The following EMILIN2 variants were observed in gnomAD, a reference collection of about 807,000 sequenced individuals.
EMILIN2 encodes elastin microfibril interfacer 2, also known as EMILIN-2.
Under a neutral mutation model 87.1 loss-of-function variants are expected in EMILIN2, and 71 were observed. The observed-to-expected ratio is 0.82, with a 90% CI of 0.67 to 0.99. The LOEUF (loss-of-function observed/expected upper bound fraction) is 0.99, where lower values mean the gene tolerates loss of function less well. Ranked by LOEUF, EMILIN2 falls within the 50% of genes least tolerant of loss-of-function variation. The pLI is 0.00. For synonymous variants in EMILIN2, 581 were observed against 563.4 expected, an observed-to-expected ratio of 1.03 and a Z score of -0.44; for missense variants, 1,407 against 1,371.8, an observed-to-expected ratio of 1.03 and a Z score of -0.40.
rs2076966394 is a variant in EMILIN2 at position 2,915,875 on chromosome 18, C to T, written c.*2471C>T. On this transcript the variant is annotated 3_prime_UTR_variant, in exon 8 of 8. Coordinates refer to ENST00000254528, the MANE Select transcript of EMILIN2 (RefSeq NM_032048.3). ...TTGCTGAGAAAAGGTCAGGACACTT[C>T]TTAAGTAGAGAAGGACTGTGACATC... 1 of 152,196 alleles carries T rather than the reference C, an allele frequency of 6.6e-6. No homozygotes were observed. Among genetic ancestry groups the T allele is most frequent in the African/African-American group, 2.4e-5 (1 of 41,440 alleles). 9.4% of individuals were successfully genotyped at this position (152,196 alleles called of 1,614,324 possible). A position where few individuals can be genotyped will look rare whatever the true frequency, so the allele number is the denominator to read the frequency against.
Position 2,914,075 on chromosome 18 carries a change from TA to T in EMILIN2, c.*673del, listed in dbSNP as rs11342330. On this transcript the variant is annotated 3_prime_UTR_variant, in exon 8 of 8. Transcript: ENST00000254528. ...ATAAAGATGGAAAGCCATTTCCAGT[TA>T]ACTTTTGTTAATTTAAGTGTGGTCC... 32,625 of 152,668 alleles carry T rather than the reference TA, an allele frequency of 0.21. 3,803 individuals carry two copies. The highest frequency in any genetic ancestry group is 0.42 in the East Asian group (2,171 of 5,182). The allele number at this position is 152,668 out of a possible 1,614,324, so 9.5% of individuals were successfully genotyped here.
chr18:2,860,827 T>G (rs1252450013), intron 2 of EMILIN2, among the ~76,000 whole-genome samples: 1 of 152,218 alleles, frequency 6.6e-6, no homozygotes, highest in Non-Finnish European at 1.5e-5. Flanking sequence ...ACTTCCACAA[T>G]GGTTGAACTA....
intron 4 of EMILIN2, among the ~76,000 whole-genome samples, chr18:2,899,554 G>A (rs1420729557): frequency 6.6e-6 from 1 of 151,790 alleles, no homozygotes; most frequent in Non-Finnish European, 1.5e-5. Flanking sequence ...ACCCAGGCTG[G>A]AGTGCAGTGG....
chr18:2,852,946 C>T (rs913121905), intron 2 of EMILIN2, among the ~76,000 whole-genome samples: 6 of 152,160 alleles, frequency 3.9e-5, no homozygotes, highest in East Asian at 1.9e-4. Flanking sequence ...CTGGATCCTC[C>T]GGGCACAGGA....
At chr18:2,883,227 G>GATGTCAAAGGTCCAGCAC (rs1568469039) in intron 2 of EMILIN2, among the ~76,000 whole-genome samples, 1 of 151,430 alleles carries the variant, frequency 6.6e-6, no homozygotes, top group East Asian at 2.0e-4. Flanking sequence ...CCTCGGGGAG[G>GATGTCAAAGGTCCAGCAC]ATGTCAAAGG....
rs201997785 is a variant in EMILIN2 at position 2,890,735 on chromosome 18, C to T, written c.608C>T (p.Ser203Phe). 2.3e-5 allele frequency: 37 copies of T among 1,614,112 alleles called. No homozygotes were observed. Among genetic ancestry groups the T allele is most frequent in the Non-Finnish European group, 3.0e-5 (35 of 1,179,998 alleles). ...RLTRTVLDLQ[S>F]SLAGVSENLK... ...ACAAGGACGGTTCTTGACCTCCAGT[C>T]TTCCCTTGCTGGAGTGAGTGAAAAT... Residue 203 changes from serine (S) to phenylalanine (F), a missense_variant, in exon 4 of 8, where the codon TCT becomes TTT. Transcript: ENST00000254528. The surrounding 1 kb of genome is among the most constrained non-coding windows in gnomAD (Gnocchi z 4.7).
chr18:2,891,398 G>C lies in EMILIN2; in HGVS notation c.1271G>C (p.Arg424Thr). The change falls in exon 4 of 8, where the codon AGA (arginine) becomes ACA (threonine). Residue 424 changes from arginine to threonine, a missense_variant. Transcript: ENST00000254528. The surrounding 1 kb of genome is among the most constrained non-coding windows in gnomAD (Gnocchi z 4.6). The part of the protein sequence containing the change: ...QKIERVAEAT[R>T]MLNGRLDNEF... Reference sequence around the variant, plus strand: ...ATCGAGAGAGTTGCTGAAGCCACCAGAATGCTGAATGGAAGACTGGACAAT... The same window carrying C: ...ATCGAGAGAGTTGCTGAAGCCACCACAATGCTGAATGGAAGACTGGACAAT... 1 of 1,614,202 alleles carries C rather than the reference G, an allele frequency of 6.2e-7. No homozygotes were observed. Among genetic ancestry groups the C allele is most frequent in the Non-Finnish European group, 8.5e-7 (1 of 1,180,030 alleles).
Position 2,869,768 on chromosome 18 carries a change from CTGTGTGTGTGTGTGTGTTTGTG to C in EMILIN2, c.258-15178_258-15157del, listed in dbSNP as rs1177418067. ...ACTTTTTGTTGTTGGATAGATTCCT[CTGTGTGTGTGTGTGTGTTTGTG>C]TGTGTGTGTGTGTGTGTGTGTGTAC... On this transcript the variant is annotated intron_variant, in intron 2 of 7. Transcript: ENST00000254528. 1.4e-3 allele frequency among the ~76,000 whole-genome samples: 202 copies of C among 143,982 alleles called. 2 individuals carry two copies. Among genetic ancestry groups the C allele is most frequent in the Middle Eastern group, 6.9e-3 (2 of 288 alleles). The allele number at this position is 143,982 out of a possible 152,430, so 94.5% of individuals were successfully genotyped here. A position where few individuals can be genotyped will look rare whatever the true frequency, so the allele number is the denominator to read the frequency against.
chr18:2,878,635 C>T (rs553933936), intron 2 of EMILIN2, among the ~76,000 whole-genome samples: 3 of 152,288 alleles, frequency 2.0e-5, no homozygotes, highest in Non-Finnish European at 2.9e-5. Flanking sequence ...ACCCAGTCTG[C>T]CCTGTGTGAG....
chr18:2,909,052 T>A, intron 6 of EMILIN2, 77 bp downstream of exon 6: 1 of 1,544,170 alleles, frequency 6.5e-7, no homozygotes, highest in Non-Finnish European at 8.9e-7. Flanking sequence ...ATCTCCTGCC[T>A]CCTCCCTCCA....
rs185883253 is a variant in EMILIN2 at position 2,890,388 on chromosome 18, T to C, written c.434-173T>C. Among the ~76,000 whole-genome samples, 1 of 152,340 alleles carries C rather than the reference T, an allele frequency of 6.6e-6. No homozygotes were observed. Among genetic ancestry groups the C allele is most frequent in the Admixed American group, 6.5e-5 (1 of 15,306 alleles). On this transcript the variant is annotated intron_variant, in intron 3 of 7. Transcript: ENST00000254528. The surrounding 1 kb of genome is among the most constrained non-coding windows in gnomAD (Gnocchi z 4.7). ...GCCAGAATGCAAGTAGAGGTCTATT[T>C]GACTACAAAGCCCATACTCTTTTCT...
chr18:2,875,096 A>G (rs1317386019), intron 2 of EMILIN2, among the ~76,000 whole-genome samples: 1 of 152,208 alleles, frequency 6.6e-6, no homozygotes, highest in Non-Finnish European at 1.5e-5. Flanking sequence ...GTCCTTGAAG[A>G]GGGAGGGGTG....
chr18:2,895,106 G>GGTA (rs2076857255), intron 4 of EMILIN2, among the ~76,000 whole-genome samples: 2 of 152,012 alleles, frequency 1.3e-5, no homozygotes, highest in African/African-American at 4.8e-5. Flanking sequence ...GGCTGTGTGG[G>GGTA]GGAGTATGTG....
rs1030800083 is a variant in EMILIN2, at chr18:2,894,139, C to T, written c.2359+1653C>T. On this transcript the variant is annotated intron_variant, in intron 4 of 7. Transcript: ENST00000254528. The surrounding 1 kb of genome is among the most constrained non-coding windows in gnomAD (Gnocchi z 5.0). ...ACCTTGGGATTTTATGATCAAGTCCCAGATGAGACATAAAACCCAAGGCAG... is the reference window on the plus strand; with the variant it reads ...ACCTTGGGATTTTATGATCAAGTCCTAGATGAGACATAAAACCCAAGGCAG... Among the ~76,000 whole-genome samples, 1 of 152,098 alleles carries T rather than the reference C, an allele frequency of 6.6e-6. No homozygotes were observed. The highest frequency in any genetic ancestry group is 1.5e-5 in the Non-Finnish European group (1 of 68,022).
intron 2 of EMILIN2, among the ~76,000 whole-genome samples, chr18:2,860,717 T>G (rs1473835705): frequency 1.3e-5 from 2 of 152,222 alleles, no homozygotes; most frequent in African/African-American, 4.8e-5. Context: ...TGTGTCTTTA[T>G]AGCAGCATGA....
chr18:2,906,928 G>C lies in EMILIN2; in HGVS notation c.2505G>C (p.Pro835=). ...CCCAGCGGCCCCCCGAGGAGAGGCC[G>C]CCCCAGCCGCCAGGCTCCACCGGGG... ...VLPQRPPEER[P]PQPPGSTGVI... is the part of the protein sequence containing the mutation. The change falls in exon 5 of 8, where the codon CCG becomes CCC. Residue 835 remains proline, a synonymous_variant. Transcript: ENST00000254528. The C allele has an allele frequency of 2.1e-6, 3 of 1,395,898 alleles. No homozygotes were observed. Among genetic ancestry groups the C allele is most frequent in the Non-Finnish European group, 2.8e-6 (3 of 1,072,362 alleles). The allele number at this position is 1,395,898 out of a possible 1,614,324, so 86.5% of individuals were successfully genotyped here. A position where few individuals can be genotyped will look rare whatever the true frequency, so the allele number is the denominator to read the frequency against.
intron 3 of EMILIN2, among the ~76,000 whole-genome samples, chr18:2,888,688 C>T (rs371546386): frequency 2.6e-4 from 38 of 143,856 alleles, no homozygotes; most frequent in African/African-American, 9.0e-4. Context: ...GCACTCCAGC[C>T]TGGGCAACAG....
At chr18:2,855,890 G>A (rs1263784506) in intron 2 of EMILIN2, among the ~76,000 whole-genome samples, 1 of 152,220 alleles carries the variant, frequency 6.6e-6, no homozygotes, top group Non-Finnish European at 1.5e-5. Context: ...CACGTCTGGT[G>A]AACACTCACC....
At position 2,892,171 on chromosome 18, in the gene EMILIN2, A is replaced by G. The variant is rs1258558692; in HGVS notation, c.2044A>G (p.Ile682Val). Residue 682 changes from isoleucine to valine, a missense_variant, in exon 4 of 8, where the codon ATC (isoleucine) becomes GTC (valine). By Grantham distance (29) the Ile-to-Val change is conservative (BLOSUM62 3). Coordinates refer to ENST00000254528, the MANE Select transcript of EMILIN2 (RefSeq NM_032048.3). Reference protein sequence around the residue: ...ERWQRLQSQVISELDACKECT... With the variant: ...ERWQRLQSQVVSELDACKECT... ...GTGGCAGAGGTTGCAGAGCCAGGTC[A>G]TCTCGGAGCTGGATGCTTGTAAGGA... 1 of 1,606,826 alleles carries G rather than the reference A, an allele frequency of 6.2e-7. No individual in the cohort carries two copies. Among genetic ancestry groups the G allele is most frequent in the Non-Finnish European group, 8.5e-7 (1 of 1,175,306 alleles).
Sources: gnomAD v4.1 joint callset for allele counts (sites outside exome capture counted in the v4.1 genomes callset) on GRCh38, gnomAD v4.1.1 for gene constraint, Gnocchi (gnomAD v3.1) non-coding constraint, MANE v1.5 for transcripts, NCBI Gene and HGNC (gene_info 2026-07-23, HGNC 2026-07-21) for gene names.